The following ADAMTS2 variants were observed in gnomAD, a reference collection of about 807,000 sequenced individuals.
The protein encoded by ADAMTS2 is A disintegrin and metalloproteinase with thrombospondin motifs 2.
Under a neutral mutation model 123.0 loss-of-function variants are expected in ADAMTS2, and 50 were observed. The ratio of observed to expected loss-of-function variants is 0.41; its 90% confidence interval spans 0.32 to 0.51. The LOEUF is 0.51. Among genes scored for constraint, ADAMTS2 ranks in the 20% least tolerant of loss-of-function variants. ADAMTS2 has a pLI of 0.35. For missense variants in ADAMTS2, 1,494 were observed against 1,705.2 expected (o/e 0.88, Z 2.18); for synonymous variants, 678 against 695.4 (o/e 0.98, Z 0.39).
At chr5:179,157,959 G>T (rs4701062) in intron 6 of ADAMTS2, among the ~76,000 whole-genome samples, 66,239 of 151,178 alleles carry the variant, frequency 0.44, 14,956 homozygotes, top group African/African-American at 0.55. Context: ...GGTTTGTTTG[G>T]TTTTTTTTGT....
intron 4 of ADAMTS2, among the ~76,000 whole-genome samples, chr5:179,195,417 C>T (rs145065597): frequency 3.7e-4 from 56 of 152,338 alleles, no homozygotes; most frequent in African/African-American, 1.3e-3. Context: ...GTCCTGCAGC[C>T]GTGTTCTGCT....
chr5:179,194,103 T>C (rs1241104517), intron 4 of ADAMTS2, among the ~76,000 whole-genome samples: 1 of 152,154 alleles, frequency 6.6e-6, no homozygotes, highest in Non-Finnish European at 1.5e-5. Context: ...CAACCATCAG[T>C]TCCCCGCGGG....
At chr5:179,221,475 C>G (rs1765124256) in intron 3 of ADAMTS2, among the ~76,000 whole-genome samples, 1 of 152,180 alleles carries the variant, frequency 6.6e-6, no homozygotes, top group African/African-American at 2.4e-5. Flanking sequence ...TGGCACCAAG[C>G]ACAGTCCATG....
At chr5:179,134,620 T>C (rs915988467) in intron 13 of ADAMTS2, among the ~76,000 whole-genome samples, 1 of 152,228 alleles carries the variant, frequency 6.6e-6, no homozygotes, top group East Asian at 1.9e-4. Flanking sequence ...TGTTCTTGTT[T>C]TGGCGTATTT....
chr5:179,199,546 C>T (rs547834559), intron 4 of ADAMTS2, among the ~76,000 whole-genome samples: 25 of 152,292 alleles, frequency 1.6e-4, no homozygotes, highest in East Asian at 5.8e-4. Flanking sequence ...CTTCCCCAGA[C>T]GCCCTGGCCA....
At chr5:179,264,214 G>A (rs770799421) in intron 3 of ADAMTS2, among the ~76,000 whole-genome samples, 5 of 152,144 alleles carry the variant, frequency 3.3e-5, no homozygotes, top group African/African-American at 7.2e-5. Context: ...TCTGTCTAGG[G>A]ACCCACTATG....
chr5:179,337,359 C>A (rs1423454830), intron 2 of ADAMTS2, among the ~76,000 whole-genome samples: 1 of 152,128 alleles, frequency 6.6e-6, no homozygotes, highest in Non-Finnish European at 1.5e-5. Flanking sequence ...GCACACCCTC[C>A]CATGCAGACA....
chr5:179,117,309 C>G lies in ADAMTS2; in HGVS notation c.3179-2985G>C, dbSNP rs1405607004. Among the ~76,000 whole-genome samples, 1 of 152,130 alleles carries G rather than the reference C, an allele frequency of 6.6e-6. No individual in the cohort carries two copies. The highest frequency in any genetic ancestry group is 2.4e-5 in the African/African-American group (1 of 41,414). ...GGCCTGATGGTGCTGGGAGGGACAC[C>G]CTGGCTGCACACTGCCCCCTCTCCT... On this transcript the variant is annotated intron_variant, in intron 21 of 21. Transcript: ENST00000251582. The surrounding 1 kb of genome is among the most constrained non-coding windows in gnomAD (Gnocchi z 4.2).
rs1344232031 is a variant in ADAMTS2 at position 179,181,465 on chromosome 5, G to A, written c.892-310C>T. 6.6e-6 allele frequency among the ~76,000 whole-genome samples: 1 copy of A among 152,126 alleles called. No homozygotes were observed. Among genetic ancestry groups the A allele is most frequent in the Non-Finnish European group, 1.5e-5 (1 of 68,024 alleles). On this transcript the variant is annotated intron_variant, in intron 4 of 21. Coordinates refer to ENST00000251582, the MANE Select transcript of ADAMTS2 (RefSeq NM_014244.5). The surrounding 1 kb of genome is among the most constrained non-coding windows in gnomAD (Gnocchi z 4.1). The stretch of plus-strand genomic sequence containing the variant: ...GGAAAGCAGCCCTACGCTTGCTGTA[G>A]CCTCCAGCTGAAACACAACCTTCCC...
At chr5:179,241,770 T>G (rs1427444203) in intron 3 of ADAMTS2, among the ~76,000 whole-genome samples, 1 of 152,276 alleles carries the variant, frequency 6.6e-6, no homozygotes, top group Non-Finnish European at 1.5e-5. Flanking sequence ...GTTCTGAGTA[T>G]GTCGAAGAGA....
chr5:179,309,772 A>G (rs545645879), intron 2 of ADAMTS2, among the ~76,000 whole-genome samples: 2,606 of 150,064 alleles, frequency 0.017, 114 homozygotes, highest in African/African-American at 0.059. Flanking sequence ...AAAAAAAAAA[A>G]AAAAAAAAAA....
rs1483198983 is a variant in ADAMTS2, at chr5:179,262,662, C to T, written c.688+10249G>A. ...CACCCTTCCCAGGGCTGGGCTTTCC[C>T]ATCATCACCAACCTGGGGCGCCTCC... On this transcript the variant is annotated intron_variant, in intron 3 of 21. Coordinates refer to ENST00000251582, the MANE Select transcript of ADAMTS2 (RefSeq NM_014244.5). This position sits in a 1 kb window ranked among gnomAD's most constrained non-coding sequence, Gnocchi z 5.9. 6.6e-6 allele frequency among the ~76,000 whole-genome samples: 1 copy of T among 152,214 alleles called. No homozygotes were observed. Among genetic ancestry groups the T allele is most frequent in the Non-Finnish European group, 1.5e-5 (1 of 68,036 alleles).
Position 179,132,642 on chromosome 5 carries a change from T to C in ADAMTS2, c.2209+135A>G. 1 of 1,144,638 alleles carries C rather than the reference T, an allele frequency of 8.7e-7. No homozygotes were observed. The allele number at this position is 1,144,638 out of a possible 1,614,324, so 70.9% of individuals were successfully genotyped here. A position where few individuals can be genotyped will look rare whatever the true frequency, so the allele number is the denominator to read the frequency against. ...ACTTAGGATTCTCCCTCCCCCTCAG[T>C]GTCACAGACCTCTCCCCCTCCCCAG... is the stretch of plus-strand genomic sequence containing the variant. On this transcript the variant is annotated intron_variant, in intron 14 of 21. Coordinates refer to ENST00000251582, the MANE Select transcript of ADAMTS2 (RefSeq NM_014244.5). The surrounding 1 kb of genome is among the most constrained non-coding windows in gnomAD (Gnocchi z 6.1).
chr5:179,344,500 C>T lies in ADAMTS2; in HGVS notation c.140-339G>A, dbSNP rs552417208. Among the ~76,000 whole-genome samples, 17 of 152,340 alleles carry T rather than the reference C, an allele frequency of 1.1e-4. No individual in the cohort carries two copies. The South Asian group carries it at 3.5e-3, about 32-fold the overall frequency. ...CGACCCCGTCAGAGAGTCCCCCGAC[C>T]CTTGCACCTACCGTCCTTGGCAGGA... is the stretch of plus-strand genomic sequence containing the variant. On this transcript the variant is annotated intron_variant, in intron 1 of 21. Transcript: ENST00000251582.
chr5:179,249,874 C>T (rs1290921137), intron 3 of ADAMTS2, among the ~76,000 whole-genome samples: 7 of 152,156 alleles, frequency 4.6e-5, no homozygotes, highest in Admixed American at 3.9e-4. Flanking sequence ...ATACCGAAAC[C>T]AGACAAAAAC....
intron 2 of ADAMTS2, among the ~76,000 whole-genome samples, chr5:179,310,802 G>A (rs925785193): frequency 6.6e-6 from 1 of 152,088 alleles, no homozygotes; most frequent in African/African-American, 2.4e-5. Flanking sequence ...CCTGCCCTGG[G>A]GACGCAGAGG....
chr5:179,184,622 G>A (rs1035169508), intron 4 of ADAMTS2, among the ~76,000 whole-genome samples: 1 of 151,986 alleles, frequency 6.6e-6, no homozygotes, highest in South Asian at 2.1e-4. Flanking sequence ...GCACAGCCAC[G>A]GGCCCCTCAC....
At chr5:179,325,864 CA>C (rs144421148) in intron 2 of ADAMTS2, among the ~76,000 whole-genome samples, 10,130 of 152,288 alleles carry the variant, frequency 0.067, 646 homozygotes, top group African/African-American at 0.17. Context: ...GTGGGAGGGA[CA>C]GGGGCACAGG....
intron 13 of ADAMTS2, among the ~76,000 whole-genome samples, chr5:179,133,106 A>C (rs1197469731): frequency 6.6e-6 from 1 of 151,750 alleles, no homozygotes; most frequent in Non-Finnish European, 1.5e-5. Flanking sequence ...TCATCAGTTA[A>C]ACGGACCTTG....
Sources: allele counts gnomAD v4.1 joint callset (sites outside exome capture counted in the v4.1 genomes callset), GRCh38; gene constraint gnomAD v4.1.1; non-coding constraint Gnocchi (gnomAD v3.1); transcripts MANE v1.5; gene names NCBI Gene and HGNC (gene_info 2026-07-23, HGNC 2026-07-21).